OPA1: variants seen among roughly 807,000 people sequenced by gnomAD.
The protein encoded by OPA1 is OPA1 mitochondrial dynamin like GTPase, also known as dynamin-like GTPase OPA1, mitochondrial.
A neutral mutation model predicts 152.9 loss-of-function variants in OPA1; 59 were observed. The observed-to-expected ratio is 0.39, with a 90% CI of 0.31 to 0.48. OPA1 has a LOEUF of 0.48. Among genes scored for constraint, OPA1 ranks in the 20% least tolerant of loss-of-function variants. The pLI is 0.96. For missense variants in OPA1, 1,008 were observed against 1,216.8 expected (o/e 0.83, Z 2.55); for synonymous variants, 400 against 389.9 (o/e 1.03, Z -0.31).
intron 18 of OPA1, among the ~76,000 whole-genome samples, chr3:193,646,079 A>T (rs1330302285): frequency 6.6e-6 from 1 of 152,178 alleles, no homozygotes; most frequent in African/African-American, 2.4e-5. Flanking sequence ...TATTTTACTT[A>T]TAAAGTGGTT....
intron 29 of OPA1, among the ~76,000 whole-genome samples, chr3:193,685,195 C>T (rs545798900): frequency 5.3e-5 from 8 of 151,432 alleles, no homozygotes; most frequent in South Asian, 2.1e-4. Flanking sequence ...CCAGCTACTC[C>T]GGAGGCTGAG....
intron 22 of OPA1, 42 bp from the exon 23 acceptor site, chr3:193,657,038 A>G (rs1420749961): frequency 1.3e-6 from 2 of 1,539,456 alleles, no homozygotes; most frequent in Admixed American, 1.8e-5. Context: ...CCATTGAAGT[A>G]TGTAGTAATA....
rs1421273845 is a variant in OPA1 at position 193,662,958 on chromosome 3, G to A, written c.2657G>A (p.Ser886Asn). The A allele has an allele frequency of 8.7e-6, 14 of 1,613,372 alleles. No homozygotes were observed. Among genetic ancestry groups the A allele is most frequent in the African/African-American group, 1.3e-5 (1 of 74,912 alleles). Residue 886 changes from serine (S) to asparagine (N), a missense_variant, in exon 26 of 31, where the codon AGC becomes AAC. By Grantham distance (46) the Ser-to-Asn change is conservative (BLOSUM62 1). This residue lies in a region of OPA1 where 137 missense variants were observed against 171.0 expected (regional missense o/e 0.80). Transcript: ENST00000361510. ...TCCCGAGGAGTAGAAGTAGATCCAA[G>A]CTTGGTAATAAATACTGCTGAGAAG... ...LESRGVEVDPSLIKDTWHQVY... is the reference protein window; with the variant it reads ...LESRGVEVDPNLIKDTWHQVY...
chr3:193,602,347 T>C (rs1327363225), intron 1 of OPA1, among the ~76,000 whole-genome samples: 1 of 152,224 alleles, frequency 6.6e-6, no homozygotes, highest in Non-Finnish European at 1.5e-5. Context: ...GATCTTCTTC[T>C]GATGTCATTT....
At chr3:193,599,206 G>A (rs1006065315) in intron 1 of OPA1, among the ~76,000 whole-genome samples, 3 of 151,804 alleles carry the variant, frequency 2.0e-5, no homozygotes, top group Non-Finnish European at 4.4e-5. Flanking sequence ...TGTTTCATTA[G>A]TCTTATTCTA....
At chr3:193,595,674 C>T (rs1725363621) in intron 1 of OPA1, among the ~76,000 whole-genome samples, 2 of 152,208 alleles carry the variant, frequency 1.3e-5, no homozygotes, top group Non-Finnish European at 2.9e-5. Context: ...AGGCTTGGAC[C>T]AGGTGTGGGT....
At chr3:193,615,332 G>A (rs1728848376) in intron 2 of OPA1, among the ~76,000 whole-genome samples, 1 of 152,190 alleles carries the variant, frequency 6.6e-6, no homozygotes, top group Non-Finnish European at 1.5e-5. Context: ...AAAGTCAGGT[G>A]GCATTCTCAC....
At chr3:193,621,913 C>T (rs78157295) in intron 6 of OPA1, among the ~76,000 whole-genome samples, 3,694 of 152,168 alleles carry the variant, frequency 0.024, 162 homozygotes, top group African/African-American at 0.085. Flanking sequence ...TCATATATAC[C>T]GGTGACAAGA....
At chr3:193,623,741 A>C (rs1324717561) in intron 6 of OPA1, among the ~76,000 whole-genome samples, 1 of 152,200 alleles carries the variant, frequency 6.6e-6, no homozygotes, top group Non-Finnish European at 1.5e-5. Flanking sequence ...TTATTGAAAA[A>C]TGTGGTTTGT....
At chr3:193,614,451 T>G (rs1402583398) in intron 1 of OPA1, among the ~76,000 whole-genome samples, 1 of 152,208 alleles carries the variant, frequency 6.6e-6, no homozygotes. Context: ...TTGGGCAAGT[T>G]ATTTAAGTCT....
In OPA1 at chr3:193,593,295, C is replaced by T; in HGVS notation, c.-83C>T. 6.9e-7 allele frequency: 1 copy of T among 1,447,266 alleles called. No individual in the cohort carries two copies. Among genetic ancestry groups the T allele is most frequent in the South Asian group, 1.3e-5 (1 of 74,458 alleles). The allele number at this position is 1,447,266 out of a possible 1,614,324, so 89.7% of individuals were successfully genotyped here. On this transcript the variant is annotated 5_prime_UTR_variant, in exon 1 of 31. Coordinates refer to ENST00000361510, the MANE Select transcript of OPA1 (RefSeq NM_130837.3). ...GCTGAGGGCCACTTCCTGGGTCATT[C>T]CTGGACCGGGAGCCGGGCTGGGGCT...
intron 11 of OPA1, among the ~76,000 whole-genome samples, chr3:193,639,189 A>G (rs1733387923): frequency 6.6e-6 from 1 of 152,220 alleles, no homozygotes; most frequent in South Asian, 2.1e-4. Context: ...CTTAATATGT[A>G]CCAGTAGCAT....
chr3:193,643,512 A>C lies in OPA1; in HGVS notation c.1378-16A>C. The C allele has an allele frequency of 6.2e-7, 1 of 1,612,292 alleles. No individual in the cohort carries two copies. Among genetic ancestry groups the C allele is most frequent in the South Asian group, 1.1e-5 (1 of 91,046 alleles). ...GTGAAGCATTTATAATGACATTTAA[A>C]ACCTTTTTCTTTAAGACTGTGACAT... On this transcript the variant is annotated splice_polypyrimidine_tract_variant and intron_variant, in intron 14 of 30. Transcript: ENST00000361510.
intron 1 of OPA1, among the ~76,000 whole-genome samples, chr3:193,611,620 A>G (rs1479318132): frequency 1.4e-5 from 2 of 138,448 alleles, no homozygotes; most frequent in South Asian, 2.3e-4. Context: ...AAAAAAAAAA[A>G]AGTTCAGCTA....
In OPA1 at chr3:193,653,840, C is replaced by T. The variant is rs556023451; in HGVS notation, c.2013-1022C>T. ...ATTATTAGTCATTAGAGAAATACAACGTAAAACCACAATGACCACTATAAA... is the reference window on the plus strand; with the variant it reads ...ATTATTAGTCATTAGAGAAATACAATGTAAAACCACAATGACCACTATAAA... On this transcript the variant is annotated intron_variant, in intron 21 of 30. Coordinates refer to ENST00000361510, the MANE Select transcript of OPA1 (RefSeq NM_130837.3). Among the ~76,000 whole-genome samples, 5 of 152,144 alleles carry T rather than the reference C, an allele frequency of 3.3e-5. No individual in the cohort carries two copies. The South Asian group carries it at 6.2e-4, about 19-fold the overall frequency.
intron 26 of OPA1, among the ~76,000 whole-genome samples, chr3:193,664,348 T>C (rs1420962319): frequency 1.3e-5 from 2 of 152,060 alleles, no homozygotes; most frequent in African/African-American, 4.8e-5. Context: ...TTAACATTAT[T>C]ATTGTTTTGC....
At chr3:193,643,489 G>A (rs1384855351) in intron 14 of OPA1, 39 bp from the exon 15 acceptor site, 1 of 1,605,472 alleles carries the variant, frequency 6.2e-7, no homozygotes, top group Non-Finnish European at 8.5e-7. Context: ...CTTATTGTGT[G>A]AAGCATTTAT....
intron 20 of OPA1, chr3:193,648,516 A>C (rs1021269442): frequency 9.9e-6 from 4 of 404,644 alleles, no homozygotes; most frequent in Non-Finnish European, 1.8e-5. Flanking sequence ...TGATGTACTA[A>C]ATTAATATGT....
chr3:193,671,149 G>A (rs1197893971), intron 29 of OPA1, among the ~76,000 whole-genome samples: 1 of 152,154 alleles, frequency 6.6e-6, no homozygotes, highest in Admixed American at 6.5e-5. Context: ...CAGAAAATAT[G>A]TACTAATTAA....
Sources: allele counts gnomAD v4.1 joint callset (sites outside exome capture counted in the v4.1 genomes callset), GRCh38; gene constraint gnomAD v4.1.1; regional missense constraint gnomAD v4.1.1; transcripts MANE v1.5; gene names NCBI Gene and HGNC (gene_info 2026-07-23, HGNC 2026-07-21).